HEXB: variants seen among roughly 807,000 people sequenced by gnomAD.
HEXB encodes hexosaminidase subunit beta.
HEXB carries 51 observed loss-of-function variants against 71.2 expected under a neutral mutation model. The observed-to-expected ratio is 0.72, with a 90% CI of 0.57 to 0.90. The LOEUF is 0.90. HEXB is among the 40% of genes least tolerant of loss of function. The pLI, the probability that HEXB is intolerant of heterozygous loss-of-function variation, is 0.00. For synonymous variants in HEXB, 266 were observed against 249.3 expected (o/e 1.07, Z -0.63); for missense variants, 617 against 677.0 (o/e 0.91, Z 0.98).
At chr5:74,705,582 C>G (rs1212721384) in intron 6 of HEXB, 3 of 437,804 alleles carry the variant, frequency 6.9e-6, no homozygotes, top group Non-Finnish European at 1.2e-5. Flanking sequence ...GGTAGAAGCC[C>G]TGAATAATTC....
intron 11 of HEXB, among the ~76,000 whole-genome samples, chr5:74,719,671 C>G (rs1296922747): frequency 6.6e-6 from 1 of 152,084 alleles, no homozygotes; most frequent in Admixed American, 6.5e-5. Flanking sequence ...TGGCTGGGCA[C>G]GGTGGCTGAC....
rs775276799 is a variant in HEXB at position 74,685,522 on chromosome 5, G to A, written c.262G>A (p.Gly88Ser). ...CAGCCACAGCCCCAATTCCACGGCG[G>A]GCCCCTCCTGCACCCTGCTGGAGGA... is the stretch of plus-strand genomic sequence containing the variant. The part of the protein sequence containing the change: ...YISHSPNSTA[G>S]PSCTLLEEAF... The change falls in exon 1 of 14, where the codon GGC becomes AGC. Residue 88 changes from glycine to serine, a missense_variant. Coordinates refer to ENST00000261416, the MANE Select transcript of HEXB (RefSeq NM_000521.4). The A allele has an allele frequency of 1.9e-6, 3 of 1,603,662 alleles. No individual in the cohort carries two copies. Among genetic ancestry groups the A allele is most frequent in the South Asian group, 2.2e-5 (2 of 90,162 alleles).
At chr5:74,646,993 A>T (rs756298261) in intron 1 of HEXB, among the ~76,000 whole-genome samples, 4 of 152,218 alleles carry the variant, frequency 2.6e-5, no homozygotes, top group Non-Finnish European at 5.9e-5. Flanking sequence ...CCCTGCCAAA[A>T]CACATCACAC....
upstream of HEXB, among the ~76,000 whole-genome samples, chr5:74,683,720 C>G (rs1748781791): frequency 6.6e-6 from 1 of 151,988 alleles, no homozygotes; most frequent in Non-Finnish European, 1.5e-5. Context: ...GAAAGATCTT[C>G]TGACTCTCTT....
chr5:74,665,712 CTG>C (rs1748420060), intron 1 of HEXB, among the ~76,000 whole-genome samples: 1 of 152,198 alleles, frequency 6.6e-6, no homozygotes, highest in Non-Finnish European at 1.5e-5. Context: ...ACCAAAGACT[CTG>C]TGGAACAAAT....
intron 11 of HEXB, among the ~76,000 whole-genome samples, chr5:74,719,384 G>A (rs1749759039): frequency 6.6e-6 from 1 of 152,158 alleles, no homozygotes; most frequent in African/African-American, 2.4e-5. Flanking sequence ...ATTTCAGGCT[G>A]TGTTGTCTTA....
chr5:74,717,222 T>C (rs1359750718), intron 9 of HEXB, among the ~76,000 whole-genome samples: 1 of 152,030 alleles, frequency 6.6e-6, no homozygotes. Flanking sequence ...AAAACTCAGC[T>C]TGAAGCCCTG....
chr5:74,719,954 AAC>A (rs1554037039), intron 11 of HEXB: 1 of 158,220 alleles, frequency 6.3e-6, no homozygotes, highest in Non-Finnish European at 1.4e-5. Flanking sequence ...AAAAAAAAAA[AAC>A]ACACACATTA....
chr5:74,712,442 AAAG>A (rs1489277807), intron 6 of HEXB, among the ~76,000 whole-genome samples: 4 of 151,884 alleles, frequency 2.6e-5, no homozygotes, highest in South Asian at 2.1e-4. Flanking sequence ...ATAATAAAAA[AAAG>A]AAATGCTTTA....
At chr5:74,694,960 A>T (rs1263495955) in intron 3 of HEXB, among the ~76,000 whole-genome samples, 2 of 151,998 alleles carry the variant, frequency 1.3e-5, no homozygotes, top group African/African-American at 4.8e-5. Flanking sequence ...ACAGAGCAAA[A>T]CTCCATCTCA....
At position 74,721,154 on chromosome 5, in the gene HEXB, T is replaced by C. The variant is rs1315099188; in HGVS notation, c.1650T>C (p.Tyr550=). ...CTGCACAACCTCTTTATGCTGGATA[T>C]TGTAACCATGAGAACATGTAAAAAA... ...GIAAQPLYAG[Y]CNHENM The change falls in exon 14 of 14, where the codon TAT becomes TAC. Residue 550 remains tyrosine (Y), a synonymous_variant. Coordinates refer to ENST00000261416, the MANE Select transcript of HEXB (RefSeq NM_000521.4). The C allele has an allele frequency of 6.2e-7, 1 of 1,613,358 alleles. No individual in the cohort carries two copies. Among genetic ancestry groups the C allele is most frequent in the Admixed American group, 1.7e-5 (1 of 60,010 alleles).
intron 2 of HEXB, among the ~76,000 whole-genome samples, chr5:74,693,187 C>T (rs757291606): frequency 4.6e-5 from 7 of 152,168 alleles, no homozygotes; most frequent in Non-Finnish European, 8.8e-5. Flanking sequence ...TGAGCGACAC[C>T]TAGGGCGTTA....
At chr5:74,708,103 T>C (rs1201443116) in intron 6 of HEXB, among the ~76,000 whole-genome samples, 2 of 151,946 alleles carry the variant, frequency 1.3e-5, no homozygotes, top group Non-Finnish European at 2.9e-5. Flanking sequence ...CGGCAGAAAC[T>C]CTACAAGCCA....
At chr5:74,659,805 T>C (rs927992390) in intron 1 of HEXB, among the ~76,000 whole-genome samples, 4 of 152,198 alleles carry the variant, frequency 2.6e-5, no homozygotes, top group Non-Finnish European at 5.9e-5. Flanking sequence ...GGAAATTGAA[T>C]TTTGATGAGA....
chr5:74,686,062 A>G (rs912709534), intron 1 of HEXB, among the ~76,000 whole-genome samples: 2 of 152,136 alleles, frequency 1.3e-5, no homozygotes, highest in African/African-American at 2.4e-5. Flanking sequence ...AGCACTGCCT[A>G]AAACTGCCCT....
intron 6 of HEXB, among the ~76,000 whole-genome samples, chr5:74,707,856 G>A (rs895765130): frequency 6.6e-6 from 1 of 151,666 alleles, no homozygotes; most frequent in African/African-American, 2.4e-5. Flanking sequence ...ATGGAACCAA[G>A]TCCTACTCTG....
At chr5:74,688,032 T>C (rs1043007108) in intron 1 of HEXB, among the ~76,000 whole-genome samples, 9 of 152,170 alleles carry the variant, frequency 5.9e-5, no homozygotes, top group African/African-American at 2.2e-4. Context: ...TTATTTAATA[T>C]TCTGATTTTT....
chr5:74,645,713 A>G (rs961320249), intron 1 of HEXB, among the ~76,000 whole-genome samples: 1 of 152,184 alleles, frequency 6.6e-6, no homozygotes, highest in African/African-American at 2.4e-5. Flanking sequence ...AAATCAAGTG[A>G]TCTAGACTGC....
At chr5:74,657,144 G>T (rs1748234826) in intron 1 of HEXB, among the ~76,000 whole-genome samples, 1 of 152,118 alleles carries the variant, frequency 6.6e-6, no homozygotes, top group Non-Finnish European at 1.5e-5. Flanking sequence ...GTGGGGAGGG[G>T]TCGTGTGTGT....
Sources: allele counts gnomAD v4.1 joint callset (sites outside exome capture counted in the v4.1 genomes callset), GRCh38; gene constraint gnomAD v4.1.1; transcripts MANE v1.5; gene names NCBI Gene and HGNC (gene_info 2026-07-23, HGNC 2026-07-21).